The following SDHC variants were observed in gnomAD, a reference collection of about 807,000 sequenced individuals.
The protein encoded by SDHC is succinate dehydrogenase cytochrome b560 subunit, mitochondrial.
SDHC carries 11 observed loss-of-function variants against 22.6 expected under a neutral mutation model. The observed-to-expected ratio is 0.49, with a 90% CI of 0.31 to 0.81. The LOEUF is 0.81. SDHC is among the 30% of genes least tolerant of loss of function. The pLI is 0.05. For synonymous variants in SDHC, 80 were observed against 77.8 expected (o/e 1.03, Z -0.15); for missense variants, 160 against 212.0 (o/e 0.75, Z 1.52).
intron 3 of SDHC, among the ~76,000 whole-genome samples, chr1:161,333,626 T>A (rs1671365471): frequency 6.6e-6 from 1 of 152,120 alleles, no homozygotes; most frequent in Non-Finnish European, 1.5e-5. Flanking sequence ...ATGGTCTTGA[T>A]CTCTTGACCT....
rs777911350 is a variant in SDHC at position 161,362,458 on chromosome 1, T to C, written c.*25T>C. 2 of 1,612,782 alleles carry C rather than the reference T, an allele frequency of 1.2e-6. No homozygotes were observed. Among genetic ancestry groups the C allele is most frequent in the Non-Finnish European group, 1.7e-6 (2 of 1,179,450 alleles). ...AAGAAAGGAGGCTCCCAGCATCATC[T>C]TCCTACACATTATTACATTCACCCA... is the stretch of plus-strand genomic sequence containing the variant. On this transcript the variant is annotated 3_prime_UTR_variant, in exon 6 of 6. Transcript: ENST00000367975.
intron 4 of SDHC, among the ~76,000 whole-genome samples, chr1:161,344,122 T>TA (rs1482474799): frequency 6.6e-6 from 1 of 151,394 alleles, no homozygotes; most frequent in Admixed American, 6.6e-5. Flanking sequence ...CCGTCTCTAC[T>TA]AAAAAAATAC....
chr1:161,347,844 A>G (rs1027877553), intron 4 of SDHC, among the ~76,000 whole-genome samples: 3 of 151,908 alleles, frequency 2.0e-5, no homozygotes, highest in Admixed American at 2.0e-4. Context: ...CCAGCCTGGC[A>G]ACAGAGTGAC....
rs78729130 is a variant in SDHC at position 161,339,081 on chromosome 1, C to T, written c.180-1513C>T. On this transcript the variant is annotated intron_variant, in intron 3 of 5. Transcript: ENST00000367975. ...GCCAGCCTGGTCTCGAACACCTGAC[C>T]TCATGATCCACCCGCCTCAGCCTCT... 5.8e-3 allele frequency among the ~76,000 whole-genome samples: 890 copies of T among 152,312 alleles called. 61 individuals carry two copies. In the East Asian group the frequency reaches 0.15, roughly 26 times the overall value.
chr1:161,320,966 A>G (rs1032294129), intron 1 of SDHC, among the ~76,000 whole-genome samples: 4 of 151,878 alleles, frequency 2.6e-5, no homozygotes, highest in African/African-American at 9.7e-5. Flanking sequence ...AGCTGGGATC[A>G]CAGGCGTGCG....
chr1:161,329,427 G>A lies in SDHC; in HGVS notation c.179+930G>A, dbSNP rs548079478. ...GCCCACCGCAACCCCTACCTCCTGA[G>A]TTCAAGTGATTCTTGTGCCTCAGCC... On this transcript the variant is annotated intron_variant, in intron 3 of 5. Transcript: ENST00000367975. Among the ~76,000 whole-genome samples the A allele has an allele frequency of 2.6e-5, 4 of 152,276 alleles. No homozygotes were observed. In the South Asian group the frequency reaches 8.3e-4, roughly 32 times the overall value.
chr1:161,345,391 C>G (rs1049911547), intron 4 of SDHC, among the ~76,000 whole-genome samples: 1 of 152,118 alleles, frequency 6.6e-6, no homozygotes, highest in African/African-American at 2.4e-5. Context: ...GTACTCTATT[C>G]CTTCATAGTT....
At chr1:161,356,640 T>G (rs765053466) in intron 4 of SDHC, 37 bp from the exon 5 acceptor site, 1 of 1,610,038 alleles carries the variant, frequency 6.2e-7, no homozygotes, top group Non-Finnish European at 8.5e-7. Flanking sequence ...TTGTAACTTA[T>G]GAGCAGCTGT....
chr1:161,318,817 T>TGA (rs34705544), intron 1 of SDHC, among the ~76,000 whole-genome samples: 14,845 of 152,160 alleles, frequency 0.098, 1,032 homozygotes, highest in Non-Finnish European at 0.14. Flanking sequence ...GAGGATCACC[T>TGA]GAGGTCAGGA....
At chr1:161,315,453 C>T (rs1488783952) in intron 1 of SDHC, among the ~76,000 whole-genome samples, 2 of 152,124 alleles carry the variant, frequency 1.3e-5, no homozygotes, top group Non-Finnish European at 2.9e-5. Context: ...TAAGGTATGC[C>T]AAGGCTTGTC....
intron 3 of SDHC, among the ~76,000 whole-genome samples, chr1:161,329,510 T>C (rs1172851064): frequency 6.6e-6 from 1 of 151,966 alleles, no homozygotes; most frequent in East Asian, 1.9e-4. Flanking sequence ...TTTTGTCTTT[T>C]AGTAAGAGAT....
At chr1:161,314,715 G>C (rs1670541485) in intron 1 of SDHC, 1 of 516,254 alleles carries the variant, frequency 1.9e-6, no homozygotes, top group Admixed American at 3.2e-5. Context: ...TTGCTCTCGG[G>C]CCTGCACCCA....
At position 161,323,597 on chromosome 1, in the gene SDHC, A is replaced by C; in HGVS notation, c.21-17A>C. Reference sequence around the variant, plus strand: ...ATCTCTAAATGTGTATTGATTTTTGATTCTCTTATCTTGCAGACACGTTGG... The same window carrying C: ...ATCTCTAAATGTGTATTGATTTTTGCTTCTCTTATCTTGCAGACACGTTGG... On this transcript the variant is annotated splice_polypyrimidine_tract_variant and intron_variant, in intron 1 of 5. Transcript: ENST00000367975. The C allele has an allele frequency of 6.2e-7, 1 of 1,609,022 alleles. No homozygotes were observed. The highest frequency in any genetic ancestry group is 8.5e-7 in the Non-Finnish European group (1 of 1,175,598).
intron 3 of SDHC, 94 bp from the exon 4 acceptor site, chr1:161,340,500 A>G (rs1365293213): frequency 3.7e-6 from 4 of 1,075,046 alleles, no homozygotes; most frequent in East Asian, 2.4e-5. Flanking sequence ...AAAAGTGCCT[A>G]TTTCAGAATT....
chr1:161,323,314 A>C (rs1670910103), intron 1 of SDHC, among the ~76,000 whole-genome samples: 2 of 152,164 alleles, frequency 1.3e-5, no homozygotes, highest in Admixed American at 6.6e-5. Context: ...CTAGCTTTTA[A>C]AAAATCACTT....
chr1:161,327,824 AG>A (rs1163477868), intron 2 of SDHC, among the ~76,000 whole-genome samples: 5 of 152,126 alleles, frequency 3.3e-5, no homozygotes, highest in Admixed American at 2.0e-4. Context: ...GATCTCCCAA[AG>A]TGCTGGGATT....
intron 5 of SDHC, among the ~76,000 whole-genome samples, chr1:161,357,878 C>T (rs1672343853): frequency 6.6e-6 from 1 of 152,046 alleles, no homozygotes; most frequent in Non-Finnish European, 1.5e-5. Context: ...TCCTGTTGAC[C>T]CAGAGTAGTG....
intron 4 of SDHC, among the ~76,000 whole-genome samples, chr1:161,344,983 G>A (rs2102345223): frequency 6.6e-6 from 1 of 152,272 alleles, no homozygotes; most frequent in African/African-American, 2.4e-5. Context: ...TCACACAACA[G>A]CAAGAAAAAT....
At chr1:161,338,581 T>C (rs556646807) in intron 3 of SDHC, among the ~76,000 whole-genome samples, 1 of 152,118 alleles carries the variant, frequency 6.6e-6, no homozygotes, top group Non-Finnish European at 1.5e-5. Context: ...TAAAAAGGGG[T>C]TTGATGATGA....
Sources: allele counts gnomAD v4.1 joint callset (sites outside exome capture counted in the v4.1 genomes callset), GRCh38; gene constraint gnomAD v4.1.1; transcripts MANE v1.5; gene names NCBI Gene and HGNC (gene_info 2026-07-23, HGNC 2026-07-21).